OXR1: variants seen among roughly 807,000 people sequenced by gnomAD.
OXR1 encodes oxidation resistance protein 1.
Under a neutral mutation model 104.6 loss-of-function variants are expected in OXR1, and 41 were observed. The ratio of observed to expected loss-of-function variants is 0.39; its 90% confidence interval spans 0.31 to 0.51. The LOEUF (loss-of-function observed/expected upper bound fraction) is 0.51, where lower values mean the gene tolerates loss of function less well. Ranked by LOEUF, OXR1 falls within the 20% of genes least tolerant of loss-of-function variation. The pLI, the probability that OXR1 is intolerant of heterozygous loss-of-function variation, is 0.77. For synonymous variants in OXR1, 348 were observed against 348.4 expected (o/e 1.00, Z 0.01); for missense variants, 955 against 1,031.9 (o/e 0.93, Z 1.02).
In OXR1 at chr8:106,595,009, G is replaced by A. The variant is rs542711326; in HGVS notation, c.220+75870G>A. On this transcript the variant is annotated intron_variant, in intron 3 of 16. Coordinates refer to ENST00000517566, the MANE Select transcript of OXR1 (RefSeq NM_001198533.2). ...ATTTTTCAGTGGAAGTTGATGTTCT[G>A]CATTTTTATGAAACACTTTCTATTC... is the stretch of plus-strand genomic sequence containing the variant. 3.2e-4 allele frequency among the ~76,000 whole-genome samples: 48 copies of A among 152,330 alleles called. 1 individual carries two copies. The highest frequency in any genetic ancestry group is 6.0e-4 in the Non-Finnish European group (41 of 68,028).
intron 3 of OXR1, among the ~76,000 whole-genome samples, chr8:106,523,341 GA>G (rs1412211782): frequency 2.0e-4 from 30 of 152,050 alleles, no homozygotes; most frequent in Non-Finnish European, 1.5e-5. Flanking sequence ...CCAGACCCTG[GA>G]GTTATGCAGG....
intron 8 of OXR1, among the ~76,000 whole-genome samples, chr8:106,705,754 A>G (rs1160118349): frequency 1.3e-5 from 2 of 152,122 alleles, no homozygotes; most frequent in Admixed American, 1.3e-4. Context: ...TGAACCATTC[A>G]TTTGTCTAGT....
chr8:106,382,818 G>T (rs1817210358), intron 2 of OXR1, among the ~76,000 whole-genome samples: 1 of 150,894 alleles, frequency 6.6e-6, no homozygotes, highest in South Asian at 2.1e-4. Flanking sequence ...TCTGGCAGCT[G>T]GGTAATCACA....
chr8:106,581,329 C>A, intron 3 of OXR1: 1 of 851,276 alleles, frequency 1.2e-6, no homozygotes, highest in Non-Finnish European at 1.7e-6. Context: ...CTTGTTGAGG[C>A]AAGCGGAGTC....
Position 106,706,380 on chromosome 8 carries a change from A to G in OXR1, c.861-2A>G. 1 of 1,550,550 alleles carries G rather than the reference A, an allele frequency of 6.4e-7. No individual in the cohort carries two copies. Among genetic ancestry groups the G allele is most frequent in the Non-Finnish European group, 8.6e-7 (1 of 1,157,644 alleles). The stretch of plus-strand genomic sequence containing the variant: ...ATTATTTTTAATTTTGTTTAATGAC[A>G]GAGATATAGATCAGCTATCAGGAAG... On this transcript the variant is annotated splice_acceptor_variant, in intron 8 of 16. Transcript: ENST00000517566. LOFTEE classifies it high-confidence loss of function.
chr8:106,712,364 G>A (rs1370674134), intron 10 of OXR1, among the ~76,000 whole-genome samples: 2 of 151,994 alleles, frequency 1.3e-5, no homozygotes, highest in African/African-American at 4.8e-5. Flanking sequence ...ATCTTGGGCA[G>A]CCTAAAAGTT....
At chr8:106,594,646 TA>T (rs1311306315) in intron 3 of OXR1, among the ~76,000 whole-genome samples, 2 of 152,020 alleles carry the variant, frequency 1.3e-5, no homozygotes, top group Admixed American at 6.6e-5. Flanking sequence ...TTTTGGCACC[TA>T]AAAAAATAAG....
intron 7 of OXR1, chr8:106,697,970 G>T (rs1410835947): frequency 9.9e-6 from 16 of 1,612,880 alleles, no homozygotes; most frequent in Non-Finnish European, 1.4e-5. Flanking sequence ...ATCTTCTGCT[G>T]CACCTCCTGG....
intron 1 of OXR1, among the ~76,000 whole-genome samples, chr8:106,297,687 A>G (rs1208592192): frequency 6.6e-6 from 1 of 152,216 alleles, no homozygotes; most frequent in Non-Finnish European, 1.5e-5. Flanking sequence ...CATGCCATGT[A>G]TGACTGTACC....
At chr8:106,551,899 TG>T (rs1815865992) in intron 3 of OXR1, among the ~76,000 whole-genome samples, 3 of 146,502 alleles carry the variant, frequency 2.0e-5, no homozygotes, top group Non-Finnish European at 4.5e-5. Context: ...TGTGTGTGTG[TG>T]TATTTATATA....
intron 15 of OXR1, among the ~76,000 whole-genome samples, chr8:106,744,439 C>T (rs1230087022): frequency 6.6e-6 from 1 of 152,136 alleles, no homozygotes; most frequent in African/African-American, 2.4e-5. Flanking sequence ...TGGCACCAAA[C>T]ACAAATTATG....
intron 11 of OXR1, among the ~76,000 whole-genome samples, chr8:106,716,971 A>T (rs868530302): frequency 1.3e-5 from 2 of 152,108 alleles, no homozygotes; most frequent in Non-Finnish European, 2.9e-5. Flanking sequence ...GTGGATCACG[A>T]GGTCAGGAGT....
intron 1 of OXR1, among the ~76,000 whole-genome samples, chr8:106,305,525 G>A (rs1813431157): frequency 6.6e-6 from 1 of 152,052 alleles, no homozygotes; most frequent in South Asian, 2.1e-4. Context: ...TGATCTATTT[G>A]TATTAACTTG....
chr8:106,346,099 C>CAA (rs199643261), intron 1 of OXR1, among the ~76,000 whole-genome samples: 4,832 of 125,294 alleles, frequency 0.039, 97 homozygotes, highest in South Asian at 0.14. Flanking sequence ...GTTTATTCCA[C>CAA]CCCCCCTACC....
chr8:106,560,854 G>A (rs756833441), intron 3 of OXR1, among the ~76,000 whole-genome samples: 12 of 152,270 alleles, frequency 7.9e-5, no homozygotes, highest in African/African-American at 2.9e-4. Flanking sequence ...TGCAGCCCAC[G>A]GAGGATGAGC....
At chr8:106,319,184 G>C (rs1814108699) in intron 1 of OXR1, among the ~76,000 whole-genome samples, 1 of 152,150 alleles carries the variant, frequency 6.6e-6, no homozygotes, top group Admixed American at 6.5e-5. Context: ...AGATCTTCTA[G>C]CAGAAGTAAT....
At chr8:106,673,308 C>T (rs1342959356) in intron 3 of OXR1, among the ~76,000 whole-genome samples, 1 of 152,148 alleles carries the variant, frequency 6.6e-6, no homozygotes, top group Non-Finnish European at 1.5e-5. Context: ...TAGCATTTTG[C>T]CCCTGCCCTA....
At chr8:106,364,087 G>A (rs147664664) in intron 2 of OXR1, among the ~76,000 whole-genome samples, 81 of 152,148 alleles carry the variant, frequency 5.3e-4, no homozygotes, top group East Asian at 4.4e-3. Context: ...AAAATATTCC[G>A]TTTTGCATGC....
intron 2 of OXR1, among the ~76,000 whole-genome samples, chr8:106,506,530 G>T (rs1054590702): frequency 7.2e-5 from 11 of 152,020 alleles, no homozygotes; most frequent in Admixed American, 3.9e-4. Flanking sequence ...GGAGAATGTT[G>T]TGAACCCAGG....
Sources: allele counts gnomAD v4.1 joint callset (sites outside exome capture counted in the v4.1 genomes callset), GRCh38; gene constraint gnomAD v4.1.1; transcripts MANE v1.5; gene names NCBI Gene and HGNC (gene_info 2026-07-23, HGNC 2026-07-21).